PRICKLE2: variants seen among roughly 807,000 people sequenced by gnomAD.
PRICKLE2 encodes prickle-like protein 2.
A neutral mutation model predicts 81.4 loss-of-function variants in PRICKLE2; 21 were observed. The observed-to-expected ratio is 0.26, with a 90% CI of 0.18 to 0.37. The LOEUF (loss-of-function observed/expected upper bound fraction) is 0.37. PRICKLE2 is among the 10% of genes least tolerant of loss of function. The probability of loss-of-function intolerance (pLI) is 1.00; values close to 1 mark genes in which losing one functional copy is unlikely to be tolerated. For missense variants in PRICKLE2, 940 were observed against 1,109.0 expected (o/e 0.85, Z 2.16); for synonymous variants, 456 against 421.5 (o/e 1.08, Z -1.00).
Position 64,093,135 on chromosome 3 carries a change from A to C in PRICKLE2, c.*5916T>G, listed in dbSNP as rs1296458001. 2 of 177,694 alleles carry C rather than the reference A, an allele frequency of 1.1e-5. No individual in the cohort carries two copies. The highest frequency in any genetic ancestry group is 4.7e-5 in the African/African-American group (2 of 42,120). 11.0% of individuals were successfully genotyped at this position (177,694 alleles called of 1,614,324 possible). A position where few individuals can be genotyped will look rare whatever the true frequency, so the allele number is the denominator to read the frequency against. On this transcript the variant is annotated 3_prime_UTR_variant, in exon 8 of 8. Coordinates refer to ENST00000638394, the MANE Select transcript of PRICKLE2 (RefSeq NM_198859.4). ...GGAATCATACACTTGTCTTTTTGTG[A>C]CTGGCTTATCTCACTTAGCAAAATG...
Position 64,124,763 on chromosome 3 carries a change from T to A in PRICKLE2, c.1660+22067A>T, listed in dbSNP as rs527667251. ...TACTGTTCAGAAGAAAAAATTCATT[T>A]CAAAATGTTACCACTTATTGACAAT... On this transcript the variant is annotated intron_variant, in intron 7 of 7. Coordinates refer to ENST00000638394, the MANE Select transcript of PRICKLE2 (RefSeq NM_198859.4). 2.6e-5 allele frequency among the ~76,000 whole-genome samples: 4 copies of A among 152,340 alleles called. No individual in the cohort carries two copies. In the East Asian group the frequency reaches 7.7e-4, roughly 29 times the overall value.
At chr3:64,257,763 T>A (rs997188885) in intron 2 of PRICKLE2, among the ~76,000 whole-genome samples, 5 of 152,176 alleles carry the variant, frequency 3.3e-5, no homozygotes, top group Non-Finnish European at 4.4e-5. Context: ...TCAGCTATTA[T>A]CCTTTGCCAT....
intron 1 of PRICKLE2, among the ~76,000 whole-genome samples, chr3:64,210,816 G>A (rs1056264208): frequency 6.6e-6 from 1 of 152,170 alleles, no homozygotes; most frequent in African/African-American, 2.4e-5. Flanking sequence ...TTGCAGAAAT[G>A]ATGCCTCAGT....
chr3:64,102,064 C>T (rs1245011973), intron 7 of PRICKLE2: 2 of 152,064 alleles, frequency 1.3e-5, no homozygotes, highest in African/African-American at 2.4e-5. Flanking sequence ...CAGGAGGAAA[C>T]ATTAGACAGA....
intron 7 of PRICKLE2, chr3:64,100,886 G>A (rs1464030848): frequency 6.6e-6 from 1 of 152,180 alleles, no homozygotes; most frequent in Non-Finnish European, 1.5e-5. Flanking sequence ...ATATTGCAAG[G>A]ATCAGCAATT....
At chr3:64,111,175 G>A (rs2076840401) in intron 7 of PRICKLE2, among the ~76,000 whole-genome samples, 1 of 152,046 alleles carries the variant, frequency 6.6e-6, no homozygotes, top group African/African-American at 2.4e-5. Context: ...ACAACCTAAG[G>A]GAGAAGGTAT....
chr3:64,246,595 C>T lies in PRICKLE2; in HGVS notation c.129-47628G>A, dbSNP rs563538577. 2.6e-5 allele frequency among the ~76,000 whole-genome samples: 4 copies of T among 152,232 alleles called. No individual in the cohort carries two copies. In the South Asian group the frequency reaches 6.2e-4, roughly 24 times the overall value. ...CTTGTTAAATACAGATTGTTGGGCC[C>T]GTGGACCAAACCCCAATGTGTTTTT... is the stretch of plus-strand genomic sequence containing the variant. On this transcript the variant is annotated intron_variant, in intron 2 of 8. Coordinates refer to the PRICKLE2 transcript ENST00000295902.
chr3:64,210,621 C>A (rs1352193355), intron 1 of PRICKLE2, among the ~76,000 whole-genome samples: 2 of 152,188 alleles, frequency 1.3e-5, no homozygotes, highest in Non-Finnish European at 1.5e-5. Flanking sequence ...TTTTCAGGGG[C>A]AGTTGTTTCC....
rs760799226 is a variant in PRICKLE2, at chr3:64,099,367, G to A, written c.2219C>T (p.Ser740Phe). The A allele has an allele frequency of 6.8e-6, 11 of 1,612,124 alleles. No individual in the cohort carries two copies. The Admixed American group carries it at 1.7e-4, about 24-fold the overall frequency. The change falls in exon 8 of 8, where the codon TCC becomes TTC. Residue 740 changes from serine (S) to phenylalanine (F), a missense_variant. Ser to Phe is a radical substitution (Grantham distance 155). Coordinates refer to ENST00000638394, the MANE Select transcript of PRICKLE2 (RefSeq NM_198859.4). This position sits in a 1 kb window ranked among gnomAD's most constrained non-coding sequence, Gnocchi z 4.3. Reference sequence around the variant, plus strand: ...GCACTGGCCGTACAGGTCCCTCCGGGACCCATGCCCCATGCTCTCCTGGAA... The same window carrying A: ...GCACTGGCCGTACAGGTCCCTCCGGAACCCATGCCCCATGCTCTCCTGGAA... ...RSFQESMGHG[S>F]RRDLYGQCPR...
chr3:64,214,351 C>A lies in PRICKLE2; in HGVS notation c.-41+10559G>T, dbSNP rs540780939. 2.0e-5 allele frequency among the ~76,000 whole-genome samples: 3 copies of A among 152,266 alleles called. No individual in the cohort carries two copies. The East Asian group carries it at 5.8e-4, about 29-fold the overall frequency. On this transcript the variant is annotated intron_variant, in intron 1 of 7. Coordinates refer to ENST00000638394, the MANE Select transcript of PRICKLE2 (RefSeq NM_198859.4). ...GAGCGATTGGAGGTTTACCAGACAC[C>A]AATGCTGGATGTAAAGCCCCTCAAT...
chr3:64,245,581 T>G, intron 2 of PRICKLE2, among the ~76,000 whole-genome samples: 1 of 152,220 alleles, frequency 6.6e-6, no homozygotes, highest in East Asian at 1.9e-4. Context: ...TTTAGGAGGT[T>G]GCACTGAGCA....
At position 64,095,542 on chromosome 3, in the gene PRICKLE2, G is replaced by A. The variant is rs2076560641; in HGVS notation, c.*3509C>T. 6.6e-6 allele frequency: 1 copy of A among 152,140 alleles called. No homozygotes were observed. The highest frequency in any genetic ancestry group is 1.5e-5 in the Non-Finnish European group (1 of 68,028). 9.4% of individuals were successfully genotyped at this position (152,140 alleles called of 1,614,324 possible). ...TTGGTTGTATCTGCTCAGCTTGCAGGGAGCGCAGAGCACATGCTACATATA... is the reference window on the plus strand; with the variant it reads ...TTGGTTGTATCTGCTCAGCTTGCAGAGAGCGCAGAGCACATGCTACATATA... On this transcript the variant is annotated 3_prime_UTR_variant, in exon 8 of 8. Transcript: ENST00000638394.
chr3:64,191,912 T>A (rs2078349358), intron 2 of PRICKLE2, among the ~76,000 whole-genome samples: 1 of 152,142 alleles, frequency 6.6e-6, no homozygotes, highest in Admixed American at 6.5e-5. Flanking sequence ...ACAGTGGGCT[T>A]CTGCCAGACC....
At chr3:64,135,875 G>A (rs551837318) in intron 7 of PRICKLE2, among the ~76,000 whole-genome samples, 43 of 152,186 alleles carry the variant, frequency 2.8e-4, no homozygotes, top group African/African-American at 9.4e-4. Flanking sequence ...AATTTTTTAC[G>A]CAACTTTCGG....
intron 7 of PRICKLE2, among the ~76,000 whole-genome samples, chr3:64,103,928 C>T (rs917381834): frequency 2.4e-4 from 36 of 151,976 alleles, no homozygotes; most frequent in Admixed American, 1.0e-3. Flanking sequence ...TGCAGTGAGC[C>T]GAGATTGTGC....
chr3:64,112,186 A>T (rs1056805925), intron 7 of PRICKLE2, among the ~76,000 whole-genome samples: 2 of 152,170 alleles, frequency 1.3e-5, no homozygotes, highest in African/African-American at 4.8e-5. Flanking sequence ...ACCCTTGGCC[A>T]AATTTACACA....
chr3:64,180,777 C>T (rs562934372), intron 2 of PRICKLE2, among the ~76,000 whole-genome samples: 18 of 152,294 alleles, frequency 1.2e-4, no homozygotes, highest in Non-Finnish European at 2.4e-4. Flanking sequence ...ACGTGATCCA[C>T]CCATCTTGGC....
chr3:64,115,527 G>T (rs931627590), intron 7 of PRICKLE2, among the ~76,000 whole-genome samples: 2 of 152,006 alleles, frequency 1.3e-5, no homozygotes, highest in African/African-American at 2.4e-5. Context: ...ATGGAAAACA[G>T]AAAAAAGCAG....
chr3:64,160,099 C>T (rs2077707779), intron 3 of PRICKLE2, 22 bp from the exon 4 acceptor site: 1 of 1,612,940 alleles, frequency 6.2e-7, no homozygotes, highest in Admixed American at 1.7e-5. Context: ...CAGACAATGG[C>T]ATGGAAAAAG....
Sources: allele counts gnomAD v4.1 joint callset (sites outside exome capture counted in the v4.1 genomes callset), GRCh38; gene constraint gnomAD v4.1.1; non-coding constraint Gnocchi (gnomAD v3.1); transcripts MANE v1.5; gene names NCBI Gene and HGNC (gene_info 2026-07-23, HGNC 2026-07-21).